Variants in EIF2D observed in about 807,000 individuals in gnomAD.
EIF2D encodes the protein hepatocellular carcinoma-associated antigen 56.
A neutral mutation model predicts 77.4 loss-of-function variants in EIF2D; 56 were observed. That is an observed-to-expected ratio of 0.72 (90% CI 0.58 to 0.90). EIF2D has a LOEUF of 0.90. EIF2D is among the 40% of genes least tolerant of loss of function. The probability of loss-of-function intolerance (pLI) is 0.00; values close to 1 mark genes in which losing one functional copy is unlikely to be tolerated. For missense variants in EIF2D, 574 were observed against 706.5 expected (o/e 0.81, Z 2.13); for synonymous variants, 230 against 271.0 (o/e 0.85, Z 1.49).
rs1553411687 is a variant in EIF2D, at chr1:206,602,951, C to G, written c.784G>C (p.Glu262Gln). ...GGCTCTTCTCCTCCTAGAGTTATAC[C>G]TTGAAGCGTTTTGCTATCTGTGGAG... ...QDSTDSKTLQ[E>Q]QMDELLQQCF... The change falls in exon 6 of 15, where the codon GAA (glutamate) becomes CAA (glutamine). Residue 262 changes from glutamate to glutamine, a missense_variant and splice_region_variant. By Grantham distance (29) the Glu-to-Gln change is conservative (BLOSUM62 2). Transcript: ENST00000271764. 2 of 1,614,012 alleles carry G rather than the reference C, an allele frequency of 1.2e-6. No individual in the cohort carries two copies. Among genetic ancestry groups the G allele is most frequent in the South Asian group, 1.1e-5 (1 of 91,064 alleles).
chr1:206,590,471 TTAC>T (rs547863051), downstream of EIF2D, among the ~76,000 whole-genome samples: 325 of 152,318 alleles, frequency 2.1e-3, 1 homozygote, highest in African/African-American at 7.6e-3. Flanking sequence ...CCATAGTTCA[TTAC>T]TACTATACAG....
At chr1:206,605,366 G>A (rs782264722) in intron 5 of EIF2D, 34 bp downstream of exon 5, 2 of 1,576,970 alleles carry the variant, frequency 1.3e-6, no homozygotes, top group African/African-American at 1.3e-5. Flanking sequence ...AGCTGCCCCG[G>A]TTCTCTGTAA....
At chr1:206,578,952 T>A (rs561782429) in intron 4 of EIF2D, among the ~76,000 whole-genome samples, 6 of 152,310 alleles carry the variant, frequency 3.9e-5, no homozygotes, top group African/African-American at 1.4e-4. Flanking sequence ...TGCCCTGAGT[T>A]AGGCCCCAGA....
At chr1:206,573,323 T>C (rs1668518078) in intron 4 of EIF2D, among the ~76,000 whole-genome samples, 1 of 152,188 alleles carries the variant, frequency 6.6e-6, no homozygotes, top group African/African-American at 2.4e-5. Context: ...AACTGAGGCA[T>C]ATAGATTTTC....
chr1:206,573,000 A>G (rs951412189), intron 4 of EIF2D, among the ~76,000 whole-genome samples: 2 of 152,200 alleles, frequency 1.3e-5, no homozygotes, highest in Admixed American at 1.3e-4. Flanking sequence ...ACAAATGACT[A>G]CTGAAGATGA....
At chr1:206,570,078 CTTTTTTTTTTT>C (rs375900760), downstream of EIF2D, among the ~76,000 whole-genome samples, 34 of 119,350 alleles carry the variant, frequency 2.8e-4, 1 homozygote, top group East Asian at 5.3e-4. Context: ...TAAAATTTAC[CTTTTTTTTTTT>C]TTTTTTTTTT....
Position 206,584,567 on chromosome 1 carries a change from C to T in EIF2D, c.139-3405G>A. 2 of 1,614,220 alleles carry T rather than the reference C, an allele frequency of 1.2e-6. No individual in the cohort carries two copies. Among genetic ancestry groups the T allele is most frequent in the Non-Finnish European group, 1.7e-6 (2 of 1,180,044 alleles). ...GCCCCTAGATGCCATCAAGCAGCTG[C>T]ACATCAGCAGCACCACCACCGTCAG... On this transcript the variant is annotated intron_variant and NMD_transcript_variant, in intron 2 of 5. Transcript: ENST00000472709. The surrounding 1 kb of genome is among the most constrained non-coding windows in gnomAD (Gnocchi z 4.9).
At position 206,597,192 on chromosome 1, in the gene EIF2D, A is replaced by G; in HGVS notation, c.1296T>C (p.Leu432=). The G allele has an allele frequency of 6.2e-7, 1 of 1,612,534 alleles. No homozygotes were observed. Among genetic ancestry groups the G allele is most frequent in the Non-Finnish European group, 8.5e-7 (1 of 1,178,616 alleles). ...NDLVDADNKN[L]VRLDPILCDC... ...CACATAGGATGGGATCCAATCTCAC[A>G]AGACTAAAGGGAAAGAAGAGGCAAT... Residue 432 remains leucine (L), a synonymous_variant, in exon 12 of 15, where the codon CTT becomes CTC. Coordinates refer to ENST00000271764, the MANE Select transcript of EIF2D (RefSeq NM_006893.3).
chr1:206,584,519 G>T lies in EIF2D; in HGVS notation c.139-3357C>A. The T allele has an allele frequency of 6.2e-7, 1 of 1,614,114 alleles. No homozygotes were observed. The highest frequency in any genetic ancestry group is 8.5e-7 in the Non-Finnish European group (1 of 1,179,996). ...GGAGGTGAACCTGGCGGCTACCACG[G>T]ACAAGCGGACATCCTTCTACCTGCC... On this transcript the variant is annotated intron_variant and NMD_transcript_variant, in intron 2 of 5. Transcript: ENST00000472709. The surrounding 1 kb of genome is among the most constrained non-coding windows in gnomAD (Gnocchi z 4.9).
At chr1:206,576,854 T>G (rs1668676605) in intron 4 of EIF2D, among the ~76,000 whole-genome samples, 1 of 152,166 alleles carries the variant, frequency 6.6e-6, no homozygotes, top group South Asian at 2.1e-4. Flanking sequence ...TAGGCTGGAG[T>G]GCAGTGGCAC....
chr1:206,605,410 C>T lies in EIF2D; in HGVS notation c.520G>A (p.Asp174Asn). ...RGFSVLHTYQ[D>N]HLWRSGNKSS... Reference sequence around the variant, plus strand: ...AAACTCTGTACCCACCACAAGTGGTCCTGGTAAGTGTGGAGCACAGAGAAG... The same window carrying T: ...AAACTCTGTACCCACCACAAGTGGTTCTGGTAAGTGTGGAGCACAGAGAAG... Residue 174 changes from aspartate to asparagine, a missense_variant, in exon 5 of 15, where the codon GAC becomes AAC. Asp to Asn is a conservative substitution (Grantham distance 23, BLOSUM62 1). Coordinates refer to ENST00000271764, the MANE Select transcript of EIF2D (RefSeq NM_006893.3). 2 of 1,613,962 alleles carry T rather than the reference C, an allele frequency of 1.2e-6. No individual in the cohort carries two copies. The highest frequency in any genetic ancestry group is 1.7e-6 in the Non-Finnish European group (2 of 1,179,920).
chr1:206,597,148 T>C lies in EIF2D; in HGVS notation c.1340A>G (p.Asn447Ser), dbSNP rs1669687562. 6.2e-7 allele frequency: 1 copy of C among 1,613,844 alleles called. No individual in the cohort carries two copies. The highest frequency in any genetic ancestry group is 8.5e-7 in the Non-Finnish European group (1 of 1,179,786). The change falls in exon 12 of 15, where the codon AAT (asparagine) becomes AGT (serine). Residue 447 changes from asparagine to serine, a missense_variant. Physicochemically the swap from Asn to Ser is conservative, Grantham distance 46. Transcript: ENST00000271764. ...PILCDCILEK[N>S]EQHTVMKLPW... Reference sequence around the variant, plus strand: ...AAGCTTCATGACTGTATGCTGTTCATTTTTCTCTAAGATGCAGTCACATAG... The same window carrying C: ...AAGCTTCATGACTGTATGCTGTTCACTTTTCTCTAAGATGCAGTCACATAG...
At position 206,605,436 on chromosome 1, in the gene EIF2D, C is replaced by G; in HGVS notation, c.494G>C (p.Gly165Ala). 6.2e-7 allele frequency: 1 copy of G among 1,614,112 alleles called. No homozygotes were observed. Among genetic ancestry groups the G allele is most frequent in the Non-Finnish European group, 8.5e-7 (1 of 1,180,010 alleles). ...EMLTSGLKGR[G>A]FSVLHTYQDH... ...CTGGTAAGTGTGGAGCACAGAGAAG[C>G]CCCTTCCCTTCAGGCCTGACGTGAG... The change falls in exon 5 of 15, where the codon GGC becomes GCC. Residue 165 changes from glycine to alanine, a missense_variant. Physicochemically the swap from Gly to Ala is moderately conservative, Grantham distance 60. Coordinates refer to ENST00000271764, the MANE Select transcript of EIF2D (RefSeq NM_006893.3).
chr1:206,599,622 A>G lies in EIF2D; in HGVS notation c.1053-10T>C. On this transcript the variant is annotated splice_polypyrimidine_tract_variant and intron_variant, in intron 9 of 14. Transcript: ENST00000271764. This position sits in a 1 kb window ranked among gnomAD's most constrained non-coding sequence, Gnocchi z 4.1. ...GACGAAAGATGTAATCCTAAAACCC[A>G]GCAGAAGGAAAGAAAAAACACATTT... The G allele has an allele frequency of 3.1e-6, 5 of 1,600,582 alleles. No homozygotes were observed. The highest frequency in any genetic ancestry group is 4.3e-6 in the Non-Finnish European group (5 of 1,173,356).
intron 2 of EIF2D, among the ~76,000 whole-genome samples, chr1:206,582,522 T>C (rs1553406587): frequency 6.6e-6 from 1 of 152,226 alleles, no homozygotes; most frequent in Non-Finnish European, 1.5e-5. Context: ...TCATATGAGA[T>C]AATGTATGCC....
intron 11 of EIF2D, among the ~76,000 whole-genome samples, chr1:206,598,022 A>G (rs1669733938): frequency 6.6e-6 from 1 of 152,010 alleles, no homozygotes; most frequent in African/African-American, 2.4e-5. Flanking sequence ...TATCATGATG[A>G]TGTTTTTTTA....
rs1331770259 is a variant in EIF2D, at chr1:206,579,269, G to C, written c.*254+1423C>G. ...TTCCATGCCAGATGCACTGAGATGT[G>C]TGAGCCCCCAGGAGAGACACCTCAC... is the stretch of plus-strand genomic sequence containing the variant. On this transcript the variant is annotated intron_variant and NMD_transcript_variant, in intron 4 of 5. Transcript: ENST00000472709. This position sits in a 1 kb window ranked among gnomAD's most constrained non-coding sequence, Gnocchi z 4.2. Among the ~76,000 whole-genome samples the C allele has an allele frequency of 6.6e-6, 1 of 152,168 alleles. No individual in the cohort carries two copies. Among genetic ancestry groups the C allele is most frequent in the Non-Finnish European group, 1.5e-5 (1 of 68,040 alleles).
rs1668800409 is a variant in EIF2D, at chr1:206,579,879, A to C, written c.*254+813T>G. Among the ~76,000 whole-genome samples, 1 of 152,108 alleles carries C rather than the reference A, an allele frequency of 6.6e-6. No individual in the cohort carries two copies. Among genetic ancestry groups the C allele is most frequent in the African/African-American group, 2.4e-5 (1 of 41,404 alleles). ...GCTGGCTGGCCTAATTCAGGAGGTG[A>C]TTCATTTGGTCCATGGGTCACATCT... is the stretch of plus-strand genomic sequence containing the variant. On this transcript the variant is annotated intron_variant and NMD_transcript_variant, in intron 4 of 5. Transcript: ENST00000472709. This position sits in a 1 kb window ranked among gnomAD's most constrained non-coding sequence, Gnocchi z 4.2.
At position 206,584,678 on chromosome 1, in the gene EIF2D, G is replaced by A. The variant is rs144913020; in HGVS notation, c.139-3516C>T. On this transcript the variant is annotated intron_variant and NMD_transcript_variant, in intron 2 of 5. Transcript: ENST00000472709. The surrounding 1 kb of genome is among the most constrained non-coding windows in gnomAD (Gnocchi z 4.9). Reference sequence around the variant, plus strand: ...ACTTTTTAAGCGGATACACAAGGACGGACAAGGTAGGAGAAAGAGTGAACC... The same window carrying A: ...ACTTTTTAAGCGGATACACAAGGACAGACAAGGTAGGAGAAAGAGTGAACC... The A allele has an allele frequency of 2.9e-5, 46 of 1,614,010 alleles. No individual in the cohort carries two copies. The highest frequency in any genetic ancestry group is 1.9e-4 in the African/African-American group (14 of 74,900).
Sources: gnomAD v4.1 joint callset for allele counts (sites outside exome capture counted in the v4.1 genomes callset) on GRCh38, gnomAD v4.1.1 for gene constraint, Gnocchi (gnomAD v3.1) non-coding constraint, MANE v1.5 for transcripts, NCBI Gene and HGNC (gene_info 2026-07-23, HGNC 2026-07-21) for gene names.